The following EPHA5 variants were observed in gnomAD, a reference collection of about 807,000 sequenced individuals.
The protein encoded by EPHA5 is ephrin type-A receptor 5.
A neutral mutation model predicts 105.0 loss-of-function variants in EPHA5; 60 were observed. That is an observed-to-expected ratio of 0.57 (90% CI 0.46 to 0.71). EPHA5 has a LOEUF of 0.71. Ranked by LOEUF, EPHA5 falls within the 30% of genes least tolerant of loss-of-function variation. The probability of loss-of-function intolerance (pLI) is 0.00; values close to 1 mark genes in which losing one functional copy is unlikely to be tolerated. For missense variants in EPHA5, 1,218 were observed against 1,274.7 expected (o/e 0.96, Z 0.68); for synonymous variants, 513 against 449.1 (o/e 1.14, Z -1.80).
chr4:65,576,000 G>GAGAGAGAGAA (rs1553943368), intron 3 of EPHA5, among the ~76,000 whole-genome samples: 2 of 29,722 alleles, frequency 6.7e-5, no homozygotes, highest in Non-Finnish European at 6.6e-5. Flanking sequence ...GAGAGAGAGA[G>GAGAGAGAGAA]AGAAAGAAAG....
rs149103918 is a variant in EPHA5, at chr4:65,320,010, C to T, written c.*4104G>A. On this transcript the variant is annotated 3_prime_UTR_variant, in exon 17 of 17. Transcript: ENST00000613740. ...TTTCTCCATTAACGTTTAGAAGAAA[C>T]AAACAACATTTGATTCTGATTATTA... 1 of 229,944 alleles carries T rather than the reference C, an allele frequency of 4.3e-6. No homozygotes were observed. The highest frequency in any genetic ancestry group is 8.6e-6 in the Non-Finnish European group (1 of 116,028). 14.2% of individuals were successfully genotyped at this position (229,944 alleles called of 1,614,324 possible).
chr4:65,597,376 A>T (rs371247201), intron 3 of EPHA5, among the ~76,000 whole-genome samples: 98 of 152,268 alleles, frequency 6.4e-4, no homozygotes, highest in African/African-American at 2.3e-3. Context: ...GATTCATGTG[A>T]ACTCAATTAC....
At chr4:65,519,863 C>CA (rs1445818582) in intron 3 of EPHA5, among the ~76,000 whole-genome samples, 2 of 151,804 alleles carry the variant, frequency 1.3e-5, no homozygotes, top group Admixed American at 6.6e-5. Flanking sequence ...AACCACTGCT[C>CA]AAAAAAATAA....
intron 5 of EPHA5, among the ~76,000 whole-genome samples, chr4:65,463,821 G>T (rs181257223): frequency 1.2e-4 from 18 of 152,102 alleles, no homozygotes; most frequent in Admixed American, 1.2e-3. Context: ...GAAAATGAAT[G>T]CTTATATACA....
At chr4:65,520,382 A>G (rs1050007557) in intron 3 of EPHA5, among the ~76,000 whole-genome samples, 18 of 152,180 alleles carry the variant, frequency 1.2e-4, no homozygotes, top group Non-Finnish European at 2.4e-4. Context: ...TTAATTCAAG[A>G]TGGATTAAAG....
chr4:65,413,556 T>C (rs927825876), intron 7 of EPHA5, among the ~76,000 whole-genome samples: 3 of 152,142 alleles, frequency 2.0e-5, no homozygotes, highest in Non-Finnish European at 4.4e-5. Flanking sequence ...CTAGTTCTTA[T>C]GTAACTTGGC....
chr4:65,659,870 A>T (rs1248180576), intron 1 of EPHA5, among the ~76,000 whole-genome samples: 5 of 152,260 alleles, frequency 3.3e-5, no homozygotes, highest in Admixed American at 2.0e-4. Context: ...TTATATTTCC[A>T]GGTAATATTT....
chr4:65,642,546 T>A (rs1172290596), intron 2 of EPHA5, among the ~76,000 whole-genome samples: 1 of 152,006 alleles, frequency 6.6e-6, no homozygotes, highest in African/African-American at 2.4e-5. Context: ...TAAAAAGAAA[T>A]ACCAAATTGA....
At chr4:65,377,308 A>T (rs1719108934) in intron 8 of EPHA5, among the ~76,000 whole-genome samples, 1 of 152,038 alleles carries the variant, frequency 6.6e-6, no homozygotes, top group Non-Finnish European at 1.5e-5. Context: ...CCAGTAGGAA[A>T]TGTCATGAGC....
At chr4:65,522,058 T>C (rs1318810171) in intron 3 of EPHA5, among the ~76,000 whole-genome samples, 4 of 151,902 alleles carry the variant, frequency 2.6e-5, no homozygotes, top group Non-Finnish European at 4.4e-5. Context: ...CAAAAACCCA[T>C]CTTGGATCTT....
chr4:65,377,188 A>G (rs1719097563), intron 8 of EPHA5: 2 of 775,854 alleles, frequency 2.6e-6, no homozygotes, highest in Middle Eastern at 2.7e-4. Context: ...CTCTAAATGC[A>G]TACAATTAAT....
chr4:65,325,594 C>A (rs923289551), intron 16 of EPHA5, among the ~76,000 whole-genome samples: 1 of 150,742 alleles, frequency 6.6e-6, no homozygotes, highest in Non-Finnish European at 1.5e-5. Context: ...ATAATAATAG[C>A]GGTAGAGAGA....
rs1212660977 is a variant in EPHA5 at position 65,348,679 on chromosome 4, TATATATATATATATATATAA to T, written c.2446-496_2446-477del. 2.5e-3 allele frequency among the ~76,000 whole-genome samples: 200 copies of T among 78,504 alleles called. 5 individuals are homozygous for T. The highest frequency in any genetic ancestry group is 0.014 in the Middle Eastern group (2 of 146). The allele number at this position is 78,504 out of a possible 152,430, so 51.5% of individuals were successfully genotyped here. On this transcript the variant is annotated intron_variant, in intron 13 of 16. Coordinates refer to ENST00000613740, the MANE Select transcript of EPHA5 (RefSeq NM_001281766.3). ...TTGGAGATATATATATATATATATA[TATATATATATATATATATAA>T]AATATATATGTGTGTGTATATATAT...
intron 1 of EPHA5, among the ~76,000 whole-genome samples, chr4:65,669,169 A>G (rs1449798634): frequency 6.6e-6 from 1 of 151,892 alleles, no homozygotes; most frequent in Non-Finnish European, 1.5e-5. Flanking sequence ...CTGAGCTTCC[A>G]ACAGTTCCCA....
intron 8 of EPHA5, among the ~76,000 whole-genome samples, chr4:65,368,337 T>C (rs1718127220): frequency 6.6e-6 from 1 of 152,140 alleles, no homozygotes; most frequent in Non-Finnish European, 1.5e-5. Context: ...ATAGGGGTAT[T>C]CCACCAACAT....
At chr4:65,342,298 A>C (rs750339544) in intron 14 of EPHA5, among the ~76,000 whole-genome samples, 2 of 152,048 alleles carry the variant, frequency 1.3e-5, no homozygotes, top group Admixed American at 6.6e-5. Flanking sequence ...ACTTACATCC[A>C]AGGGCGGCAT....
intron 3 of EPHA5, among the ~76,000 whole-genome samples, chr4:65,500,132 C>T (rs1732330895): frequency 6.6e-6 from 1 of 151,222 alleles, no homozygotes; most frequent in African/African-American, 2.4e-5. Context: ...ATAAGTAGTA[C>T]AATTTATTTA....
intron 2 of EPHA5, among the ~76,000 whole-genome samples, chr4:65,642,145 C>T (rs1396057600): frequency 6.6e-6 from 1 of 151,756 alleles, no homozygotes; most frequent in Non-Finnish European, 1.5e-5. Context: ...TTAATTTCAA[C>T]ACAGCACATC....
At chr4:65,341,275 A>G (rs1476920575) in intron 14 of EPHA5, among the ~76,000 whole-genome samples, 1 of 152,094 alleles carries the variant, frequency 6.6e-6, no homozygotes, top group African/African-American at 2.4e-5. Context: ...TCAGGTTCCA[A>G]ATAATCAGAA....
Sources: gnomAD v4.1 joint callset for allele counts (sites outside exome capture counted in the v4.1 genomes callset) on GRCh38, gnomAD v4.1.1 for gene constraint, MANE v1.5 for transcripts, NCBI Gene and HGNC (gene_info 2026-07-23, HGNC 2026-07-21) for gene names.